FARS2: variants seen among roughly 807,000 people sequenced by gnomAD.
The protein encoded by FARS2 is phenylalanine--tRNA ligase, mitochondrial.
In FARS2, 40 loss-of-function variants were observed where a neutral mutation model predicts 46.4. That is an observed-to-expected ratio of 0.86 (90% CI 0.67 to 1.12). The LOEUF (loss-of-function observed/expected upper bound fraction) is 1.12. Ranked by LOEUF, FARS2 falls within the 50% of genes most tolerant of loss-of-function variation. The pLI, the probability that FARS2 is intolerant of heterozygous loss-of-function variation, is 0.00. For synonymous variants in FARS2, 234 were observed against 214.9 expected (o/e 1.09, Z -0.78); for missense variants, 513 against 567.9 (o/e 0.90, Z 0.98).
intron 6 of FARS2, among the ~76,000 whole-genome samples, chr6:5,768,344 A>G (rs1762855308): frequency 1.3e-5 from 2 of 152,242 alleles, no homozygotes; most frequent in African/African-American, 4.8e-5. Context: ...ATTCATCAAA[A>G]TGCTCTGTAT....
the FARS2 span, among the ~76,000 whole-genome samples, chr6:5,255,352 G>T: frequency 2.6e-5 from 4 of 152,306 alleles, no homozygotes; most frequent in African/African-American, 7.2e-5. Flanking sequence ...GCACCCAGTT[G>T]TCTTCTATTA....
intron 4 of FARS2, among the ~76,000 whole-genome samples, chr6:5,542,112 C>T (rs933005428): frequency 5.9e-5 from 9 of 152,138 alleles, no homozygotes; most frequent in Admixed American, 5.9e-4. Flanking sequence ...TTTACCATAT[C>T]CTGTTTTCTC....
At position 5,368,598 on chromosome 6, in the gene FARS2, G is replaced by A. The variant is rs753993545; in HGVS notation, c.28G>A (p.Ala10Thr). The A allele has an allele frequency of 5.6e-6, 9 of 1,613,352 alleles. No homozygotes were observed. Among genetic ancestry groups the A allele is most frequent in the Admixed American group, 1.7e-5 (1 of 59,974 alleles). Residue 10 changes from alanine to threonine, a missense_variant, in exon 2 of 7, where the codon GCC becomes ACC. Ala to Thr is a moderately conservative substitution (Grantham distance 58). Coordinates refer to ENST00000274680, the MANE Select transcript of FARS2 (RefSeq NM_006567.5). MVGSALRRG[A>T]HAYVYLVSKA... ...GGTGGGCTCAGCTCTCAGGAGAGGT[G>A]CCCATGCATATGTCTACCTGGTGAG...
intron 4 of FARS2, among the ~76,000 whole-genome samples, chr6:5,500,317 G>A (rs1190744270): frequency 6.6e-6 from 1 of 152,202 alleles, no homozygotes; most frequent in African/African-American, 2.4e-5. Context: ...CTGCTGTGGA[G>A]GCTGGGAAAG....
chr6:5,591,478 G>A (rs1039311795), intron 5 of FARS2, among the ~76,000 whole-genome samples: 2 of 152,246 alleles, frequency 1.3e-5, no homozygotes, highest in African/African-American at 2.4e-5. Flanking sequence ...CTGCTCTCAC[G>A]AGGTTTGCCT....
intron 6 of FARS2, among the ~76,000 whole-genome samples, chr6:5,658,904 A>G (rs906624821): frequency 1.3e-5 from 2 of 152,328 alleles, no homozygotes; most frequent in Admixed American, 6.5e-5. Context: ...TTCTGCTTAT[A>G]TTTTATTTGA....
chr6:5,688,866 C>T (rs1455948816), intron 6 of FARS2, among the ~76,000 whole-genome samples: 2 of 152,112 alleles, frequency 1.3e-5, no homozygotes, highest in Non-Finnish European at 2.9e-5. Context: ...TTAATTATTG[C>T]CTCAATTTCA....
chr6:5,444,785 CG>C (rs57065450), intron 4 of FARS2, among the ~76,000 whole-genome samples: 4 of 28,440 alleles, frequency 1.4e-4, no homozygotes, highest in East Asian at 0.031. Flanking sequence ...TAAAATGGGG[CG>C]GGGGGGAACT....
intron 6 of FARS2, among the ~76,000 whole-genome samples, chr6:5,729,109 T>G (rs1473428321): frequency 1.3e-5 from 2 of 152,196 alleles, no homozygotes; most frequent in Non-Finnish European, 2.9e-5. Flanking sequence ...TTTCACAACT[T>G]AACTGAAAAG....
At chr6:5,717,785 A>T (rs558482257) in intron 6 of FARS2, among the ~76,000 whole-genome samples, 1 of 152,068 alleles carries the variant, frequency 6.6e-6, no homozygotes, top group Non-Finnish European at 1.5e-5. Context: ...TAAGTCCATT[A>T]TCCATCAGGG....
chr6:5,639,711 G>C (rs551366159), intron 6 of FARS2, among the ~76,000 whole-genome samples: 29 of 150,732 alleles, frequency 1.9e-4, no homozygotes, highest in African/African-American at 7.0e-4. Context: ...CGAGGCTCTT[G>C]AGTGTAAGCG....
the FARS2 span, among the ~76,000 whole-genome samples, chr6:5,251,295 T>G: frequency 1.3e-5 from 2 of 152,222 alleles, no homozygotes; most frequent in Non-Finnish European, 2.9e-5. Context: ...TTTTACAAAG[T>G]GAAAGGTGCT....
At chr6:5,425,129 G>A (rs1762773317) in intron 3 of FARS2, among the ~76,000 whole-genome samples, 5 of 152,102 alleles carry the variant, frequency 3.3e-5, no homozygotes, top group Admixed American at 3.3e-4. Context: ...AATCTATTTT[G>A]AAAATAATGC....
rs1238729061 is a variant in FARS2, at chr6:5,593,720, A to G, written c.1066-19449A>G. Among the ~76,000 whole-genome samples, 3 of 152,186 alleles carry G rather than the reference A, an allele frequency of 2.0e-5. No individual in the cohort carries two copies. The East Asian group carries it at 5.8e-4, about 29-fold the overall frequency. On this transcript the variant is annotated intron_variant, in intron 5 of 6. Transcript: ENST00000274680. ...GAAGTTATTGAAAAAAATAGCCCAT[A>G]GGAAAATGTTTCATTCGATTTTATT...
At chr6:5,635,369 C>G (rs958567297) in intron 6 of FARS2, among the ~76,000 whole-genome samples, 1 of 152,086 alleles carries the variant, frequency 6.6e-6, no homozygotes, top group Non-Finnish European at 1.5e-5. Flanking sequence ...TAATTTACTC[C>G]AAACAATAAA....
Position 5,613,276 on chromosome 6 carries a change from C to A in FARS2, c.1173C>A (p.Asp391Glu). 2 of 1,613,320 alleles carry A rather than the reference C, an allele frequency of 1.2e-6. No homozygotes were observed. Among genetic ancestry groups the A allele is most frequent in the Non-Finnish European group, 1.7e-6 (2 of 1,179,672 alleles). ...ACTTAGTCCGAACAATTGGAGGAGACCTGGTGGAAAAGGTTGATCTCATAG... is the reference window on the plus strand; with the variant it reads ...ACTTAGTCCGAACAATTGGAGGAGAACTGGTGGAAAAGGTTGATCTCATAG... ...FYDLVRTIGGDLVEKVDLIDK... is the reference protein window; with the variant it reads ...FYDLVRTIGGELVEKVDLIDK... The change falls in exon 6 of 7, where the codon GAC becomes GAA. Residue 391 changes from aspartate to glutamate, a missense_variant. Transcript: ENST00000274680.
intron 5 of FARS2, among the ~76,000 whole-genome samples, chr6:5,587,835 C>T (rs1773702608): frequency 6.6e-6 from 1 of 152,164 alleles, no homozygotes; most frequent in South Asian, 2.1e-4. Context: ...ACTCTCTAAA[C>T]CTCAACACTC....
At chr6:5,413,421 A>G (rs1207547353) in intron 3 of FARS2, among the ~76,000 whole-genome samples, 1 of 152,190 alleles carries the variant, frequency 6.6e-6, no homozygotes, top group Admixed American at 6.5e-5. Flanking sequence ...CCCATTGCAA[A>G]CTATTTTTAC....
intron 6 of FARS2, among the ~76,000 whole-genome samples, chr6:5,760,741 G>A (rs1762437124): frequency 1.3e-5 from 2 of 152,146 alleles, no homozygotes; most frequent in African/African-American, 2.4e-5. Context: ...TCACAATTCT[G>A]TCTGTGCTCT....
Sources: allele counts gnomAD v4.1 joint callset (sites outside exome capture counted in the v4.1 genomes callset), GRCh38; gene constraint gnomAD v4.1.1; transcripts MANE v1.5; gene names NCBI Gene and HGNC (gene_info 2026-07-23, HGNC 2026-07-21).